SENP2: variants seen among roughly 807,000 people sequenced by gnomAD.
The protein encoded by SENP2 is SUMO specific peptidase 2.
SENP2 carries 16 observed loss-of-function variants against 86.3 expected under a neutral mutation model. That is an observed-to-expected ratio of 0.19 (90% confidence interval 0.13 to 0.28). SENP2 has a LOEUF of 0.28. Ranked by LOEUF, SENP2 falls within the 10% of genes least tolerant of loss-of-function variation. The pLI is 1.00. For missense variants in SENP2, 552 were observed against 703.0 expected, an observed-to-expected ratio of 0.79 and a Z score of 2.43; for synonymous variants, 222 against 238.7, an observed-to-expected ratio of 0.93 and a Z score of 0.64.
At chr3:185,606,583 A>G (rs1722518571) in intron 6 of SENP2, 85 bp downstream of exon 6, 8 of 1,158,566 alleles carry the variant, frequency 6.9e-6, no homozygotes, top group Non-Finnish European at 9.6e-6. Flanking sequence ...GAATGGTTCA[A>G]CGTTTGACAT....
chr3:185,626,034 G>A (rs1249287643), intron 15 of SENP2, among the ~76,000 whole-genome samples: 1 of 152,128 alleles, frequency 6.6e-6, no homozygotes, highest in African/African-American at 2.4e-5. Context: ...AGAACAGAAA[G>A]GAAAAGCAGT....
At chr3:185,594,105 A>C (rs186958806) in intron 2 of SENP2, among the ~76,000 whole-genome samples, 2 of 150,654 alleles carry the variant, frequency 1.3e-5, no homozygotes, top group Admixed American at 1.3e-4. Flanking sequence ...TTTTTTTTTT[A>C]AGCCAAAAAA....
At position 185,630,214 on chromosome 3, in the gene SENP2, A is replaced by C. The variant is rs769650493; in HGVS notation, c.*370A>C. ...CGTATTCATTCACTCACTCGTTTGC[A>C]AACATAATGGGCAGTGGTCATTTAC... On this transcript the variant is annotated 3_prime_UTR_variant, in exon 17 of 17. Transcript: ENST00000296257. 3 of 190,516 alleles carry C rather than the reference A, an allele frequency of 1.6e-5. No homozygotes were observed. The highest frequency in any genetic ancestry group is 2.2e-5 in the Non-Finnish European group (2 of 89,032). 11.8% of individuals were successfully genotyped at this position (190,516 alleles called of 1,614,324 possible).
In SENP2 at chr3:185,632,253, T is replaced by TTTTTTTTTTTTTTTTTTTTTTTTC. The variant is rs1712517595; in HGVS notation, c.*2411_*2412insTTTTTTTTTTTTTTTTTTTTTCTT. On this transcript the variant is annotated 3_prime_UTR_variant, in exon 17 of 17. Coordinates refer to ENST00000296257, the MANE Select transcript of SENP2 (RefSeq NM_021627.3). ...TTTTTTTTTGTTTTTTTTTTTTTTT[T>TTTTTTTTTTTTTTTTTTTTTTTTC]TTGCGACAGAGTCTCTTGTCGCCCA... is the stretch of plus-strand genomic sequence containing the variant. 7.5e-6 allele frequency: 1 copy of TTTTTTTTTTTTTTTTTTTTTTTTC among 133,652 alleles called. No homozygotes were observed. The allele number at this position is 133,652 out of a possible 1,614,324, so 8.3% of individuals were successfully genotyped here.
chr3:185,603,657 G>C (rs954150411), intron 5 of SENP2, among the ~76,000 whole-genome samples: 1 of 152,168 alleles, frequency 6.6e-6, no homozygotes, highest in African/African-American at 2.4e-5. Context: ...AAAAGTTCCT[G>C]AATTTGGTGA....
chr3:185,600,131 T>C (rs941192730), intron 4 of SENP2, among the ~76,000 whole-genome samples: 3 of 152,200 alleles, frequency 2.0e-5, no homozygotes, highest in Non-Finnish European at 2.9e-5. Context: ...TTTTATTTCA[T>C]TTAAAAAGTT....
At chr3:185,611,882 C>T (rs375754849) in intron 8 of SENP2, 137 bp downstream of exon 8, 11 of 663,934 alleles carry the variant, frequency 1.7e-5, no homozygotes, top group African/African-American at 5.4e-5. Context: ...TTGGGCCGGG[C>T]GCGGTGGCTT....
Position 185,600,805 on chromosome 3 carries a change from C to G in SENP2, c.399C>G (p.Ile133Met). 6.2e-7 allele frequency: 1 copy of G among 1,611,694 alleles called. No homozygotes were observed. Among genetic ancestry groups the G allele is most frequent in the South Asian group, 1.1e-5 (1 of 90,998 alleles). ...SPNGISDYPKIRVTVTRDQPR... is the reference protein window; with the variant it reads ...SPNGISDYPKMRVTVTRDQPR... ...ATGGAATAAGTGACTATCCAAAGAT[C>G]AGAGTGACAGTTACCCGAGATCAGC... The change falls in exon 5 of 17, where the codon ATC (isoleucine) becomes ATG (methionine). Residue 133 changes from isoleucine (I) to methionine (M), a missense_variant. Ile to Met is a conservative substitution (Grantham distance 10). Around this residue, in one of 2 missense-constraint regions of SENP2, gnomAD observed 383 missense variants for 427.3 expected, o/e 0.90. Coordinates refer to ENST00000296257, the MANE Select transcript of SENP2 (RefSeq NM_021627.3).
chr3:185,596,417 C>T (rs1722174145), intron 2 of SENP2, among the ~76,000 whole-genome samples: 1 of 151,924 alleles, frequency 6.6e-6, no homozygotes, highest in Non-Finnish European at 1.5e-5. Context: ...CCCAGGAGTT[C>T]CAGACCAGCC....
Position 185,611,648 on chromosome 3 carries a change from A to G in SENP2, c.723-3A>G, listed in dbSNP as rs542566238. The G allele has an allele frequency of 5.4e-5, 86 of 1,606,760 alleles. No homozygotes were observed. The highest frequency in any genetic ancestry group is 6.9e-5 in the Non-Finnish European group (81 of 1,174,546). ...GATCTCCCTCACTTTTTGTGTTTCT[A>G]AGTTCTCAAAGAAGTCAGATGGACA... is the stretch of plus-strand genomic sequence containing the variant. On this transcript the variant is annotated splice_polypyrimidine_tract_variant and splice_region_variant and intron_variant, in intron 7 of 16. Transcript: ENST00000296257.
intron 2 of SENP2, among the ~76,000 whole-genome samples, chr3:185,592,595 C>T (rs1157061157): frequency 1.3e-5 from 2 of 149,804 alleles, no homozygotes; most frequent in Non-Finnish European, 3.0e-5. Flanking sequence ...ACAGAAAATA[C>T]AAAAATTAGT....
chr3:185,594,374 G>A (rs796993997), intron 2 of SENP2, among the ~76,000 whole-genome samples: 6 of 152,302 alleles, frequency 3.9e-5, no homozygotes, highest in African/African-American at 1.4e-4. Context: ...GTAAAGGCCT[G>A]TAAAGTGCTG....
intron 2 of SENP2, among the ~76,000 whole-genome samples, chr3:185,596,795 T>C (rs1667827979): frequency 6.6e-6 from 1 of 152,196 alleles, no homozygotes; most frequent in African/African-American, 2.4e-5. Context: ...TCGGTGGCTA[T>C]ATGCTCCTTG....
At chr3:185,598,670 T>G in intron 3 of SENP2, 125 bp downstream of exon 3, 1 of 997,028 alleles carries the variant, frequency 1.0e-6, no homozygotes, top group East Asian at 2.6e-5. Flanking sequence ...TGTATCTTTA[T>G]TAGCTGTGCT....
rs1451206224 is a variant in SENP2 at position 185,592,007 on chromosome 3, ATTTCTTT to A, written c.157+1842_157+1848del. Among the ~76,000 whole-genome samples the A allele has an allele frequency of 6.8e-3, 239 of 35,110 alleles. 2 individuals are homozygous for A. Among genetic ancestry groups the A allele is most frequent in the Non-Finnish European group, 0.011 (183 of 17,412 alleles). The allele number at this position is 35,110 out of a possible 152,430, so 23.0% of individuals were successfully genotyped here. ...ACTCCTGTCTTTAAGAACCGGTAAT[ATTTCTTT>A]TTTTTTTTTTTTTTTTTTTTGAGAC... On this transcript the variant is annotated intron_variant, in intron 2 of 16. Coordinates refer to ENST00000296257, the MANE Select transcript of SENP2 (RefSeq NM_021627.3).
intron 2 of SENP2, among the ~76,000 whole-genome samples, chr3:185,592,976 A>G (rs1489079509): frequency 6.6e-6 from 1 of 152,212 alleles, no homozygotes; most frequent in Non-Finnish European, 1.5e-5. Context: ...AGACAATCAC[A>G]TAATAATGCT....
At chr3:185,606,242 A>C (rs1057199076) in intron 5 of SENP2, 88 bp from the exon 6 acceptor site, 1 of 1,264,606 alleles carries the variant, frequency 7.9e-7, no homozygotes, top group Middle Eastern at 2.2e-4. Context: ...ACCTAAAGCA[A>C]CTTAATCACA....
chr3:185,612,632 T>C lies in SENP2; in HGVS notation c.843T>C (p.Pro281=). The C allele has an allele frequency of 6.2e-7, 1 of 1,609,488 alleles. No individual in the cohort carries two copies. Among genetic ancestry groups the C allele is most frequent in the Non-Finnish European group, 8.5e-7 (1 of 1,175,958 alleles). ...ATAGACTTGTTGAAACAAGGGGACC[T>C]CTATGTTCATTGAGAAGTGAAAAGA... ...KQYRLVETRG[P]LCSLRSEKRC... is the part of the protein sequence containing the mutation. The change falls in exon 9 of 17, where the codon CCT becomes CCC. Residue 281 remains proline (P), a synonymous_variant. Coordinates refer to ENST00000296257, the MANE Select transcript of SENP2 (RefSeq NM_021627.3).
intron 6 of SENP2, 87 bp downstream of exon 6, chr3:185,606,585 G>A (rs763948495): frequency 9.6e-6 from 11 of 1,140,200 alleles, no homozygotes; most frequent in Admixed American, 2.8e-5. Flanking sequence ...ATGGTTCAAC[G>A]TTTGACATAC....
Sources: gnomAD v4.1 joint callset for allele counts (sites outside exome capture counted in the v4.1 genomes callset) on GRCh38, gnomAD v4.1.1 for gene constraint, gnomAD v4.1.1 regional missense constraint, MANE v1.5 for transcripts, NCBI Gene and HGNC (gene_info 2026-07-23, HGNC 2026-07-21) for gene names.